The following KCNIP4 variants were observed in gnomAD, a reference collection of about 807,000 sequenced individuals.
The protein encoded by KCNIP4 is potassium voltage-gated channel interacting protein 4, also known as Kv channel-interacting protein 4.
Under a neutral mutation model 34.0 loss-of-function variants are expected in KCNIP4, and 12 were observed. The ratio of observed to expected loss-of-function variants is 0.35; its 90% CI spans 0.23 to 0.57. KCNIP4 has a LOEUF of 0.57. Among genes scored for constraint, KCNIP4 ranks in the 20% least tolerant of loss-of-function variants. The pLI is 0.83. For missense variants in KCNIP4, 238 were observed against 311.7 expected (o/e 0.76, Z 1.78); for synonymous variants, 124 against 102.2 (o/e 1.21, Z -1.29).
chr4:21,880,724 T>G (rs1422788582), intron 1 of KCNIP4, among the ~76,000 whole-genome samples: 3 of 152,228 alleles, frequency 2.0e-5, no homozygotes, highest in Admixed American at 6.5e-5. Context: ...TCATAATTAT[T>G]CTGGTGGATA....
chr4:20,809,494 G>A (rs35460302), intron 3 of KCNIP4, among the ~76,000 whole-genome samples: 2 of 152,100 alleles, frequency 1.3e-5, no homozygotes, highest in Non-Finnish European at 2.9e-5. Context: ...TCTCTGCCTA[G>A]ATGTGGAATT....
intron 1 of KCNIP4, chr4:21,303,721 C>T: frequency 9.7e-7 from 1 of 1,034,018 alleles, no homozygotes; most frequent in Non-Finnish European, 1.5e-6. Flanking sequence ...TCTCTGATCT[C>T]ATTTCAGGTG....
intron 1 of KCNIP4, among the ~76,000 whole-genome samples, chr4:21,461,420 G>A (rs1008207661): frequency 7.5e-6 from 1 of 134,170 alleles, no homozygotes; most frequent in Non-Finnish European, 1.8e-5. Flanking sequence ...AGTAGCTTGT[G>A]AAGTTTTTTT....
chr4:21,601,806 A>G (rs555214947), intron 1 of KCNIP4, among the ~76,000 whole-genome samples: 3 of 152,156 alleles, frequency 2.0e-5, no homozygotes, highest in South Asian at 2.1e-4. Flanking sequence ...ACCTTCCTGT[A>G]GCTTTTCCTC....
intron 6 of KCNIP4, among the ~76,000 whole-genome samples, 196 bp downstream of exon 6, chr4:20,734,432 G>C (rs1749092824): frequency 6.6e-6 from 1 of 152,216 alleles, no homozygotes; most frequent in Non-Finnish European, 1.5e-5. Context: ...ATCTTTATGT[G>C]TTATATATTT....
chr4:21,442,141 T>A (rs918518461), intron 1 of KCNIP4, among the ~76,000 whole-genome samples: 1 of 152,194 alleles, frequency 6.6e-6, no homozygotes, highest in Non-Finnish European at 1.5e-5. Flanking sequence ...TGCACTACTA[T>A]CTTCACCTCC....
At chr4:21,100,926 A>G (rs1460000853) in intron 1 of KCNIP4, among the ~76,000 whole-genome samples, 1 of 152,130 alleles carries the variant, frequency 6.6e-6, no homozygotes, top group Non-Finnish European at 1.5e-5. Context: ...TTGTGTGTGT[A>G]TGTGAAGAAT....
At chr4:21,041,096 T>C (rs901621705) in intron 1 of KCNIP4, among the ~76,000 whole-genome samples, 2 of 152,082 alleles carry the variant, frequency 1.3e-5, no homozygotes, top group South Asian at 4.2e-4. Context: ...TAGTAAGGAT[T>C]TCTGGGAATG....
intron 1 of KCNIP4, among the ~76,000 whole-genome samples, chr4:21,076,070 A>AT (rs1351481751): frequency 6.6e-6 from 1 of 151,866 alleles, no homozygotes. Flanking sequence ...TACACTTAAC[A>AT]TTTTTTCCTT....
intron 1 of KCNIP4, among the ~76,000 whole-genome samples, chr4:21,533,710 A>G (rs73252240): frequency 0.058 from 8,807 of 152,190 alleles, 497 homozygotes; most frequent in Admixed American, 0.16. Flanking sequence ...TATTTTACTT[A>G]TTCCTTCTCA....
chr4:21,519,526 GTATGTGTATGTGTATATACACATA>G lies in KCNIP4; in HGVS notation c.61+429021_61+429044del, dbSNP rs1560479897. Among the ~76,000 whole-genome samples, 199 of 97,978 alleles carry G rather than the reference GTATGTGTATGTGTATATACACATA, an allele frequency of 2.0e-3. 12 individuals carry two copies. Among genetic ancestry groups the G allele is most frequent in the Middle Eastern group, 4.8e-3 (1 of 210 alleles). 64.3% of individuals were successfully genotyped at this position (97,978 alleles called of 152,430 possible). ...TGTATGTGTATATACACATATGTGT[GTATGTGTATGTGTATATACACATA>G]TGTGTGTATGTGTATATATACACAT... On this transcript the variant is annotated intron_variant, in intron 1 of 8. Coordinates refer to ENST00000382152, the MANE Select transcript of KCNIP4 (RefSeq NM_025221.6).
chr4:21,601,645 C>A (rs1357478431), intron 1 of KCNIP4, among the ~76,000 whole-genome samples: 1 of 152,042 alleles, frequency 6.6e-6, no homozygotes, highest in Non-Finnish European at 1.5e-5. Context: ...ATCCATTGGT[C>A]TATAAGGTCC....
At chr4:21,035,475 T>C (rs879383016) in intron 1 of KCNIP4, among the ~76,000 whole-genome samples, 3 of 152,176 alleles carry the variant, frequency 2.0e-5, no homozygotes, top group Admixed American at 2.0e-4. Context: ...TACAAATACA[T>C]AACAATCTTC....
intron 1 of KCNIP4, among the ~76,000 whole-genome samples, chr4:21,583,140 G>T (rs1577638941): frequency 6.6e-6 from 1 of 151,534 alleles, no homozygotes; most frequent in Non-Finnish European, 1.5e-5. Context: ...GTGAATTTTA[G>T]TGCATATCCA....
chr4:21,444,451 G>A (rs947766646), intron 1 of KCNIP4, among the ~76,000 whole-genome samples: 3 of 152,060 alleles, frequency 2.0e-5, no homozygotes, highest in Non-Finnish European at 4.4e-5. Flanking sequence ...TTCATCCCTG[G>A]GATGCAAGGC....
intron 1 of KCNIP4, among the ~76,000 whole-genome samples, chr4:21,943,696 GA>G (rs1730328418): frequency 6.6e-6 from 1 of 152,160 alleles, no homozygotes; most frequent in African/African-American, 2.4e-5. Context: ...ATAAGTAATG[GA>G]GGGGGGCATT....
intron 1 of KCNIP4, among the ~76,000 whole-genome samples, chr4:21,061,604 C>T (rs1224106961): frequency 6.6e-6 from 1 of 151,980 alleles, no homozygotes; most frequent in Non-Finnish European, 1.5e-5. Flanking sequence ...AAGCTGGAAC[C>T]CTGCCTACCT....
intron 3 of KCNIP4, among the ~76,000 whole-genome samples, chr4:20,829,528 A>T (rs1560496844): frequency 6.6e-6 from 1 of 152,070 alleles, no homozygotes; most frequent in Non-Finnish European, 1.5e-5. Context: ...ATTGTAAGAG[A>T]TTCTGCCTTC....
At chr4:21,668,025 T>C (rs1307830711) in intron 1 of KCNIP4, among the ~76,000 whole-genome samples, 1 of 152,212 alleles carries the variant, frequency 6.6e-6, no homozygotes, top group Admixed American at 6.5e-5. Context: ...GTGGTACATA[T>C]ATATACCATG....
Sources: allele counts gnomAD v4.1 joint callset (sites outside exome capture counted in the v4.1 genomes callset), GRCh38; gene constraint gnomAD v4.1.1; transcripts MANE v1.5; gene names NCBI Gene and HGNC (gene_info 2026-07-23, HGNC 2026-07-21).